Variants in RBFOX1 observed in about 807,000 individuals in gnomAD.
RBFOX1 encodes RNA binding fox-1 homolog 1.
In RBFOX1, 8 loss-of-function variants were observed where a neutral mutation model predicts 57.7. The ratio of observed to expected loss-of-function variants is 0.14; its 90% CI spans 0.08 to 0.25. The LOEUF is 0.25. Among genes scored for constraint, RBFOX1 ranks in the 10% least tolerant of loss-of-function variants. The probability of loss-of-function intolerance (pLI) is 1.00; values close to 1 mark genes in which losing one functional copy is unlikely to be tolerated. For missense variants in RBFOX1, 611 were observed against 548.5 expected (o/e 1.11, Z -1.14); for synonymous variants, 326 against 222.4 (o/e 1.47, Z -4.15).
At chr16:5,715,981 C>G (rs988425755) in intron 3 of RBFOX1, among the ~76,000 whole-genome samples, 2 of 152,130 alleles carry the variant, frequency 1.3e-5, no homozygotes, top group African/African-American at 4.8e-5. Context: ...TAATAATTCT[C>G]TCATTTGCTC....
chr16:7,654,751 G>A (rs1316442007), intron 12 of RBFOX1, among the ~76,000 whole-genome samples: 1 of 152,148 alleles, frequency 6.6e-6, no homozygotes, highest in Non-Finnish European at 1.5e-5. Flanking sequence ...AGGGAGAAAG[G>A]GATACCTCCA....
chr16:7,355,841 C>A (rs1008587983), intron 4 of RBFOX1, among the ~76,000 whole-genome samples: 2 of 152,218 alleles, frequency 1.3e-5, no homozygotes, highest in African/African-American at 2.4e-5. Flanking sequence ...TTCCTTTCAA[C>A]CTTCAGGGTC....
chr16:5,905,062 T>G (rs1597723045), intron 4 of RBFOX1, among the ~76,000 whole-genome samples: 6 of 114,070 alleles, frequency 5.3e-5, no homozygotes, highest in African/African-American at 1.3e-4. Flanking sequence ...ATATGACTGG[T>G]GCTTTTTTTT....
chr16:7,326,344 G>A (rs1020590477), intron 4 of RBFOX1, among the ~76,000 whole-genome samples: 1 of 152,148 alleles, frequency 6.6e-6, no homozygotes, highest in African/African-American at 2.4e-5. Flanking sequence ...AGGAGGTAGT[G>A]CTGGGAAGAC....
chr16:6,960,112 C>T (rs2082651072), intron 3 of RBFOX1, among the ~76,000 whole-genome samples: 1 of 152,076 alleles, frequency 6.6e-6, no homozygotes, highest in Non-Finnish European at 1.5e-5. Flanking sequence ...TATTGGGGGT[C>T]TGAAGAAACT....
chr16:7,004,222 CTT>C (rs1444867629), intron 3 of RBFOX1: 8 of 152,046 alleles, frequency 5.3e-5, no homozygotes, highest in African/African-American at 1.9e-4. Context: ...TATGCATTAT[CTT>C]TTGAATCTTA....
At chr16:6,887,906 C>T (rs977144029) in intron 3 of RBFOX1, among the ~76,000 whole-genome samples, 1 of 152,110 alleles carries the variant, frequency 6.6e-6, no homozygotes, top group Non-Finnish European at 1.5e-5. Context: ...AAGTGATCCA[C>T]CCGTCATGGC....
At chr16:7,602,952 A>G (rs923294306) in intron 9 of RBFOX1, among the ~76,000 whole-genome samples, 3 of 152,220 alleles carry the variant, frequency 2.0e-5, no homozygotes, top group African/African-American at 7.2e-5. Context: ...AACTGTACAA[A>G]TACATGGAAA....
intron 4 of RBFOX1, among the ~76,000 whole-genome samples, chr16:5,961,725 G>C (rs1007171874): frequency 2.6e-5 from 4 of 151,986 alleles, no homozygotes; most frequent in African/African-American, 7.2e-5. Context: ...ATGAGGTTTT[G>C]CTTTGTTGCC....
At position 7,012,007 on chromosome 16, in the gene RBFOX1, G is replaced by A. The variant is rs1039156100; in HGVS notation, c.-15-40050G>A. ...ATGATGTGGTGTTCTGATCAATGAG[G>A]TCTAGTCCAGTCACTGTAGGTCAAA... On this transcript the variant is annotated intron_variant, in intron 3 of 15. Coordinates refer to ENST00000550418, the MANE Select transcript of RBFOX1 (RefSeq NM_018723.4). Among the ~76,000 whole-genome samples the A allele has an allele frequency of 2.0e-5, 3 of 152,130 alleles. No homozygotes were observed. The South Asian group carries it at 6.2e-4, about 32-fold the overall frequency.
In RBFOX1 at chr16:7,561,195, C is replaced by G. The variant is rs140293523; in HGVS notation, c.271-18582C>G. 7.2e-3 allele frequency among the ~76,000 whole-genome samples: 1,098 copies of G among 152,370 alleles called. 6 individuals carry two copies. Among genetic ancestry groups the G allele is most frequent in the Middle Eastern group, 0.024 (7 of 294 alleles). On this transcript the variant is annotated intron_variant, in intron 5 of 15. Coordinates refer to ENST00000550418, the MANE Select transcript of RBFOX1 (RefSeq NM_018723.4). ...TGGAGCTCAGACCAAATCCAGCCCACTGTCTCTGCTTTTACAAATAAAGTT... is the reference window on the plus strand; with the variant it reads ...TGGAGCTCAGACCAAATCCAGCCCAGTGTCTCTGCTTTTACAAATAAAGTT...
intron 4 of RBFOX1, among the ~76,000 whole-genome samples, chr16:7,503,072 C>T (rs866964066): frequency 1.4e-4 from 22 of 152,176 alleles, no homozygotes; most frequent in African/African-American, 4.3e-4. Flanking sequence ...AAGATTATGG[C>T]GTCCACTCCT....
At chr16:6,508,960 C>G (rs962429933) in intron 2 of RBFOX1, among the ~76,000 whole-genome samples, 4 of 151,838 alleles carry the variant, frequency 2.6e-5, no homozygotes, top group African/African-American at 7.3e-5. Context: ...TTTCTCAGTA[C>G]TATGTGAATG....
At chr16:7,145,883 T>G (rs1483555332) in intron 4 of RBFOX1, among the ~76,000 whole-genome samples, 2 of 152,140 alleles carry the variant, frequency 1.3e-5, no homozygotes, top group Non-Finnish European at 2.9e-5. Flanking sequence ...CCTAGTTCTC[T>G]GAGGTTCCCA....
intron 4 of RBFOX1, among the ~76,000 whole-genome samples, chr16:5,995,367 G>A (rs1420187083): frequency 3.9e-5 from 6 of 152,158 alleles, no homozygotes; most frequent in African/African-American, 1.4e-4. Flanking sequence ...AGAAAGGCAA[G>A]CTCATTAAGA....
At chr16:7,510,837 C>T (rs898489628) in intron 4 of RBFOX1, among the ~76,000 whole-genome samples, 1 of 152,130 alleles carries the variant, frequency 6.6e-6, no homozygotes, top group Non-Finnish European at 1.5e-5. Flanking sequence ...ACTGCAGGAG[C>T]CGCTGCTTTC....
intron 3 of RBFOX1, among the ~76,000 whole-genome samples, chr16:5,781,371 G>C (rs61539691): frequency 0.026 from 3,929 of 152,212 alleles, 173 homozygotes; most frequent in African/African-American, 0.09. Flanking sequence ...TCAATGGATT[G>C]CTATTAGAGG....
intron 3 of RBFOX1, among the ~76,000 whole-genome samples, chr16:6,862,666 G>A (rs2059219510): frequency 6.6e-6 from 1 of 152,138 alleles, no homozygotes; most frequent in South Asian, 2.1e-4. Flanking sequence ...TATGAACAGA[G>A]CTGGAGGTAG....
chr16:6,984,644 A>G (rs1368948340), intron 3 of RBFOX1, among the ~76,000 whole-genome samples: 1 of 151,932 alleles, frequency 6.6e-6, no homozygotes, highest in Admixed American at 6.6e-5. Flanking sequence ...TCTTTACTTA[A>G]TATTTTTATT....
Sources: allele counts gnomAD v4.1 joint callset (sites outside exome capture counted in the v4.1 genomes callset), GRCh38; gene constraint gnomAD v4.1.1; transcripts MANE v1.5; gene names NCBI Gene and HGNC (gene_info 2026-07-23, HGNC 2026-07-21).